SLC26A5: variants seen among roughly 807,000 people sequenced by gnomAD.
The protein encoded by SLC26A5 is prestin.
SLC26A5 carries 51 observed loss-of-function variants against 81.0 expected under a neutral mutation model. The ratio of observed to expected loss-of-function variants is 0.63; its 90% CI spans 0.50 to 0.80. The LOEUF (loss-of-function observed/expected upper bound fraction) is 0.80. SLC26A5 is among the 30% of genes least tolerant of loss of function. The pLI is 0.00. For missense variants in SLC26A5, 771 were observed against 905.8 expected (o/e 0.85, Z 1.91); for synonymous variants, 325 against 332.8 (o/e 0.98, Z 0.25).
chr7:103,441,709 G>A (rs1038314350), intron 2 of SLC26A5, among the ~76,000 whole-genome samples: 10 of 152,134 alleles, frequency 6.6e-5, no homozygotes, highest in African/African-American at 2.4e-4. Flanking sequence ...AGATGTTATC[G>A]TCTCTGGGGA....
Position 103,391,743 on chromosome 7 carries a change from A to G in SLC26A5, c.1120-8T>C. ...TCCCAGGGCAATGAGCTCCTTTCCCATGTAGAAACAAAACACAAAAGAGAT... is the reference window on the plus strand; with the variant it reads ...TCCCAGGGCAATGAGCTCCTTTCCCGTGTAGAAACAAAACACAAAAGAGAT... On this transcript the variant is annotated splice_polypyrimidine_tract_variant and splice_region_variant and intron_variant, in intron 10 of 19. Coordinates refer to ENST00000306312, the MANE Select transcript of SLC26A5 (RefSeq NM_198999.3). 6.2e-7 allele frequency: 1 copy of G among 1,609,802 alleles called. No individual in the cohort carries two copies. Among genetic ancestry groups the G allele is most frequent in the Non-Finnish European group, 8.5e-7 (1 of 1,176,756 alleles).
intron 14 of SLC26A5, among the ~76,000 whole-genome samples, chr7:103,388,138 T>C (rs1164175992): frequency 6.6e-6 from 1 of 151,768 alleles, no homozygotes; most frequent in Non-Finnish European, 1.5e-5. Flanking sequence ...ACCTCAGCCT[T>C]CCAAAGGGCT....
chr7:103,354,832 C>G, intron 19 of SLC26A5: 8 of 1,335,268 alleles, frequency 6.0e-6, no homozygotes, highest in Non-Finnish European at 7.5e-6. Flanking sequence ...TGGTTGATAT[C>G]CTGATATTCT....
intron 19 of SLC26A5, chr7:103,365,943 T>A (rs905656880): frequency 1.9e-5 from 14 of 726,440 alleles, no homozygotes; most frequent in Non-Finnish European, 2.8e-5. Context: ...AATAAAAAAA[T>A]AAAAAACGTT....
intron 2 of SLC26A5, among the ~76,000 whole-genome samples, chr7:103,421,919 A>T (rs1293291438): frequency 6.6e-6 from 1 of 152,248 alleles, no homozygotes; most frequent in African/African-American, 2.4e-5. Context: ...ACAGAAAAAA[A>T]GAGTACGATC....
chr7:103,445,556 G>C (rs1209915401), intron 1 of SLC26A5: 5 of 152,254 alleles, frequency 3.3e-5, no homozygotes, highest in Non-Finnish European at 7.3e-5. Context: ...CAGAGACCCG[G>C]GGTTTGAGCC....
At position 103,378,447 on chromosome 7, in the gene SLC26A5, G is replaced by T. The variant is rs1196988095; in HGVS notation, c.1784C>A (p.Ala595Glu). 11 of 1,613,696 alleles carry T rather than the reference G, an allele frequency of 6.8e-6. No individual in the cohort carries two copies. The highest frequency in any genetic ancestry group is 1.7e-5 in the Admixed American group (1 of 60,016). Residue 595 changes from alanine to glutamate, a missense_variant and splice_region_variant, in exon 17 of 20, where the codon GCA (alanine) becomes GAA (glutamate). By Grantham distance (107) the Ala-to-Glu change is moderately radical. Coordinates refer to ENST00000306312, the MANE Select transcript of SLC26A5 (RefSeq NM_198999.3). ...ANMANATVVK[A>E]DAEVDGEDAT... is the part of the protein sequence containing the mutation. ...TATTTCAATGAAAAGACCACTCACTGCTTTGACAACAGTTGCGTTGGCCAT... is the reference window on the plus strand; with the variant it reads ...TATTTCAATGAAAAGACCACTCACTTCTTTGACAACAGTTGCGTTGGCCAT...
intron 9 of SLC26A5, among the ~76,000 whole-genome samples, chr7:103,396,615 T>C (rs1419396097): frequency 6.6e-6 from 1 of 152,082 alleles, no homozygotes; most frequent in Admixed American, 6.5e-5. Context: ...ACATGAGGCA[T>C]CTAGAGAAGT....
rs938036552 is a variant in SLC26A5, at chr7:103,416,986, A to G, written c.292+3752T>C. Among the ~76,000 whole-genome samples the G allele has an allele frequency of 2.0e-5, 3 of 152,162 alleles. No individual in the cohort carries two copies. In the East Asian group the frequency reaches 5.8e-4, roughly 29 times the overall value. On this transcript the variant is annotated intron_variant, in intron 4 of 19. Transcript: ENST00000306312. ...TTATCTATCTTCATTAATAATGAGC[A>G]GAAAAATACCTTTCCAATGCAAATT...
At chr7:103,430,170 C>T (rs1825971953) in intron 2 of SLC26A5, among the ~76,000 whole-genome samples, 2 of 148,916 alleles carry the variant, frequency 1.3e-5, no homozygotes, top group African/African-American at 5.0e-5. Flanking sequence ...CCTCTGCCTC[C>T]TGGGTTCAAG....
chr7:103,432,059 G>A (rs1826119920), intron 2 of SLC26A5, among the ~76,000 whole-genome samples: 1 of 152,056 alleles, frequency 6.6e-6, no homozygotes, highest in African/African-American at 2.4e-5. Context: ...AACACTACAG[G>A]TGCATGCCAC....
At chr7:103,411,190 G>A (rs112217908) in intron 6 of SLC26A5, among the ~76,000 whole-genome samples, 28 of 152,218 alleles carry the variant, frequency 1.8e-4, no homozygotes, top group African/African-American at 6.0e-4. Context: ...CAATCCTGCC[G>A]TGTCAAACTT....
chr7:103,428,056 T>C (rs1562802231), intron 2 of SLC26A5, among the ~76,000 whole-genome samples: 1 of 152,124 alleles, frequency 6.6e-6, no homozygotes, highest in Non-Finnish European at 1.5e-5. Flanking sequence ...TTTCACCATA[T>C]TGGCCAGGCT....
At chr7:103,396,001 T>C (rs1186712645) in intron 9 of SLC26A5, among the ~76,000 whole-genome samples, 2 of 152,190 alleles carry the variant, frequency 1.3e-5, no homozygotes, top group Admixed American at 6.5e-5. Flanking sequence ...CATTATCTCC[T>C]GTAGCTCTCA....
At chr7:103,362,458 CCCCT>C in intron 19 of SLC26A5, 2 of 1,372,692 alleles carry the variant, frequency 1.5e-6, no homozygotes, top group East Asian at 5.8e-5. Context: ...AAAAAAATCT[CCCCT>C]CCCTCCTCAA....
At chr7:103,388,193 G>GT (rs897201043) in intron 14 of SLC26A5, among the ~76,000 whole-genome samples, 10,566 of 114,894 alleles carry the variant, frequency 0.092, 1,028 homozygotes, top group African/African-American at 0.19. Context: ...AGCCCATAAA[G>GT]TTTTTTTTTT....
chr7:103,365,819 C>A (rs1301056438), intron 19 of SLC26A5, among the ~76,000 whole-genome samples: 1 of 151,364 alleles, frequency 6.6e-6, no homozygotes. Context: ...TCCCAGCTAC[C>A]CGGGAGGCTG....
intron 2 of SLC26A5, among the ~76,000 whole-genome samples, chr7:103,426,521 T>G (rs1193436407): frequency 6.6e-6 from 1 of 152,208 alleles, no homozygotes; most frequent in Admixed American, 6.5e-5. Context: ...CTGGCAACCT[T>G]AACTCTCTGT....
intron 19 of SLC26A5, chr7:103,368,165 C>T: frequency 1.1e-6 from 1 of 917,938 alleles, no homozygotes; most frequent in Non-Finnish European, 1.6e-6. Flanking sequence ...ATGCTTTTTT[C>T]CATATCTCTT....
Sources: allele counts gnomAD v4.1 joint callset (sites outside exome capture counted in the v4.1 genomes callset), GRCh38; gene constraint gnomAD v4.1.1; transcripts MANE v1.5; gene names NCBI Gene and HGNC (gene_info 2026-07-23, HGNC 2026-07-21).